The following WDFY4 variants were observed in gnomAD, a reference collection of about 807,000 sequenced individuals.
WDFY4 encodes WD repeat- and FYVE domain-containing protein 4.
Under a neutral mutation model 351.9 loss-of-function variants are expected in WDFY4, and 169 were observed. The ratio of observed to expected loss-of-function variants is 0.48; its 90% confidence interval spans 0.42 to 0.55. The LOEUF (loss-of-function observed/expected upper bound fraction) is 0.55. Ranked by LOEUF, WDFY4 falls within the 20% of genes least tolerant of loss-of-function variation. The pLI, the probability that WDFY4 is intolerant of heterozygous loss-of-function variation, is 0.00. For synonymous variants in WDFY4, 1,622 were observed against 1,574.6 expected (o/e 1.03, Z -0.71); for missense variants, 3,803 against 3,935.6 (o/e 0.97, Z 0.90).
At chr10:48,757,878 C>T (rs529576454) in intron 12 of WDFY4, among the ~76,000 whole-genome samples, 9 of 152,140 alleles carry the variant, frequency 5.9e-5, no homozygotes, top group South Asian at 2.1e-4. Context: ...CTTACCTCTA[C>T]GCCGTTCCCT....
At chr10:48,746,443 T>C in intron 12 of WDFY4, among the ~76,000 whole-genome samples, 1 of 152,172 alleles carries the variant, frequency 6.6e-6, no homozygotes, top group East Asian at 1.9e-4. Context: ...GTACTGTCCT[T>C]ACATTTTTAG....
Position 48,946,905 on chromosome 10 carries a change from C to T in WDFY4, c.7913C>T (p.Ala2638Val). The change falls in exon 51 of 62, where the codon GCC becomes GTC. Residue 2638 changes from alanine (A) to valine (V), a missense_variant. By Grantham distance (64) the Ala-to-Val change is moderately conservative. This residue lies in a region of WDFY4 where 3,054 missense variants were observed against 3,148.6 expected (regional missense o/e 0.97). Coordinates refer to ENST00000325239, the MANE Select transcript of WDFY4 (RefSeq NM_001394531.1). The part of the protein sequence containing the change: ...QCHYYTHYSS[A>V]IIVASYLVRM... The stretch of plus-strand genomic sequence containing the variant: ...CACTACTACACCCACTACTCCTCGG[C>T]CATCATCGTGGCCTCCTACCTGGTC... 3 of 1,552,098 alleles carry T rather than the reference C, an allele frequency of 1.9e-6. No homozygotes were observed. Among genetic ancestry groups the T allele is most frequent in the Non-Finnish European group, 2.6e-6 (3 of 1,147,096 alleles).
intron 12 of WDFY4, among the ~76,000 whole-genome samples, chr10:48,755,327 T>C (rs2065304817): frequency 6.6e-6 from 1 of 152,176 alleles, no homozygotes; most frequent in Non-Finnish European, 1.5e-5. Context: ...GCTTATCTAT[T>C]CATCTTTAAA....
Position 48,982,652 on chromosome 10 carries a change from G to A in WDFY4, c.*77G>A, listed in dbSNP as rs1051485264. On this transcript the variant is annotated 3_prime_UTR_variant, in exon 62 of 62. Coordinates refer to ENST00000325239, the MANE Select transcript of WDFY4 (RefSeq NM_001394531.1). Reference sequence around the variant, plus strand: ...CAGAGGTGACTGGGGCCTGAGCTCTGCCTACAGAAGAAACCCCCAGGGCCT... The same window carrying A: ...CAGAGGTGACTGGGGCCTGAGCTCTACCTACAGAAGAAACCCCCAGGGCCT... 4 of 1,448,690 alleles carry A rather than the reference G, an allele frequency of 2.8e-6. No individual in the cohort carries two copies. The highest frequency in any genetic ancestry group is 1.4e-5 in the African/African-American group (1 of 70,812). 89.7% of individuals were successfully genotyped at this position (1,448,690 alleles called of 1,614,324 possible). A position where few individuals can be genotyped will look rare whatever the true frequency, so the allele number is the denominator to read the frequency against.
At position 48,923,921 on chromosome 10, in the gene WDFY4, G is replaced by T. The variant is rs147661071; in HGVS notation, c.7587-17885G>T. On this transcript the variant is annotated intron_variant, in intron 47 of 61. Transcript: ENST00000325239. ...TTCCAGCAAATGGGACATCCAGCCAGTTGGGCCCAGCTGTGCCGGTTGCCC... is the reference window on the plus strand; with the variant it reads ...TTCCAGCAAATGGGACATCCAGCCATTTGGGCCCAGCTGTGCCGGTTGCCC... Among the ~76,000 whole-genome samples, 17 of 152,324 alleles carry T rather than the reference G, an allele frequency of 1.1e-4. No homozygotes were observed. In the East Asian group the frequency reaches 3.1e-3, roughly 28 times the overall value.
At chr10:48,784,845 G>A (rs1389920902) in intron 19 of WDFY4, among the ~76,000 whole-genome samples, 6 of 105,554 alleles carry the variant, frequency 5.7e-5, no homozygotes, top group African/African-American at 7.9e-5. Flanking sequence ...CAGTTGCATC[G>A]TTTACTTTTT....
chr10:48,766,788 C>T (rs2065685886), intron 13 of WDFY4, among the ~76,000 whole-genome samples: 1 of 152,154 alleles, frequency 6.6e-6, no homozygotes, highest in South Asian at 2.1e-4. Context: ...TACCTTGTTT[C>T]TCTGTATCTC....
rs150221478 is a variant in WDFY4, at chr10:48,904,604, G to A, written c.7586+2741G>A. 5.9e-3 allele frequency among the ~76,000 whole-genome samples: 905 copies of A among 152,198 alleles called. 5 individuals are homozygous for A. The highest frequency in any genetic ancestry group is 0.017 in the Middle Eastern group (5 of 294). ...TGGCCTGGCTCCATTTCTCATAGGC[G>A]TTCTCATCACAGGGGCACCGATGCC... On this transcript the variant is annotated intron_variant, in intron 47 of 61. Transcript: ENST00000325239.
In WDFY4 at chr10:48,828,914, T is replaced by TTGTG. The variant is rs772811111; in HGVS notation, c.6340+25_6340+28dup. The TTGTG allele has an allele frequency of 2.0e-5, 4 of 199,798 alleles. No homozygotes were observed. The African/African-American group carries it at 2.6e-4, about 13-fold the overall frequency. 12.4% of individuals were successfully genotyped at this position (199,798 alleles called of 1,614,324 possible). A position where few individuals can be genotyped will look rare whatever the true frequency, so the allele number is the denominator to read the frequency against. On this transcript the variant is annotated intron_variant, in intron 37 of 61. Coordinates refer to ENST00000325239, the MANE Select transcript of WDFY4 (RefSeq NM_001394531.1). ...GAGTGATGGTACATTTTATTTGTCA[T>TTGTG]TGTGTGTGTGGGCGGGGGGGGGGCG...
At chr10:48,863,448 A>G (rs994177149) in intron 39 of WDFY4, among the ~76,000 whole-genome samples, 1 of 152,178 alleles carries the variant, frequency 6.6e-6, no homozygotes, top group African/African-American at 2.4e-5. Flanking sequence ...TCTGATGACA[A>G]ATGACACTAA....
chr10:48,686,696 A>T (rs779528174), intron 1 of WDFY4, among the ~76,000 whole-genome samples: 4 of 152,240 alleles, frequency 2.6e-5, no homozygotes, highest in Non-Finnish European at 5.9e-5. Flanking sequence ...AGATAATTAA[A>T]GTTTTCTGCA....
chr10:48,832,539 T>A, intron 38 of WDFY4, 34 bp from the exon 39 acceptor site: 1 of 1,510,854 alleles, frequency 6.6e-7, no homozygotes, highest in Non-Finnish European at 8.9e-7. Context: ...TGCTCTCACT[T>A]CACCTCTGAC....
chr10:48,857,591 A>G (rs2069179802), intron 39 of WDFY4, among the ~76,000 whole-genome samples: 1 of 152,188 alleles, frequency 6.6e-6, no homozygotes, highest in South Asian at 2.1e-4. Context: ...CATTTTGAGA[A>G]TCATTAGTAT....
At chr10:48,718,804 G>A (rs999045436) in intron 2 of WDFY4, among the ~76,000 whole-genome samples, 13 of 152,198 alleles carry the variant, frequency 8.5e-5, no homozygotes, top group Admixed American at 2.6e-4. Context: ...GATGAAAAGC[G>A]GACTTACGAA....
At chr10:48,870,364 C>A (rs1358109162) in intron 40 of WDFY4, among the ~76,000 whole-genome samples, 5 of 151,548 alleles carry the variant, frequency 3.3e-5, no homozygotes, top group African/African-American at 1.2e-4. Flanking sequence ...TGCGAGACCC[C>A]AACTCAAAAA....
intron 37 of WDFY4, among the ~76,000 whole-genome samples, chr10:48,830,101 T>A (rs558017862): frequency 2.8e-4 from 42 of 152,244 alleles, no homozygotes; most frequent in Admixed American, 2.6e-3. Context: ...TTAGGCATGG[T>A]TCAGGGGATT....
intron 24 of WDFY4, among the ~76,000 whole-genome samples, chr10:48,801,705 A>G (rs1296477537): frequency 1.3e-5 from 2 of 152,312 alleles, no homozygotes; most frequent in Non-Finnish European, 2.9e-5. Flanking sequence ...GTATCCACTC[A>G]TTCTTTTAAA....
chr10:48,895,506 C>T lies in WDFY4; in HGVS notation c.7317-1948C>T, dbSNP rs115687374. Among the ~76,000 whole-genome samples, 397 of 152,270 alleles carry T rather than the reference C, an allele frequency of 2.6e-3. 5 individuals carry two copies. Among genetic ancestry groups the T allele is most frequent in the African/African-American group, 9.1e-3 (376 of 41,544 alleles). ...AGGGCTGGCGTGCTTGGGAGGCCTT[C>T]GTTTCTTAGTCCTGGCATCTTATCA... On this transcript the variant is annotated intron_variant, in intron 44 of 61. Transcript: ENST00000325239.
At chr10:48,904,172 C>G (rs535171185) in intron 47 of WDFY4, among the ~76,000 whole-genome samples, 77 of 152,304 alleles carry the variant, frequency 5.1e-4, no homozygotes, top group African/African-American at 1.8e-3. Flanking sequence ...CAGGCACTTA[C>G]CCTTTATAGA....
Sources: gnomAD v4.1 joint callset for allele counts (sites outside exome capture counted in the v4.1 genomes callset) on GRCh38, gnomAD v4.1.1 for gene constraint, gnomAD v4.1.1 regional missense constraint, MANE v1.5 for transcripts, NCBI Gene and HGNC (gene_info 2026-07-23, HGNC 2026-07-21) for gene names.